The following CCDC85A variants were observed in gnomAD, a reference collection of about 807,000 sequenced individuals.
The protein encoded by CCDC85A is coiled-coil domain-containing protein 85A.
Under a neutral mutation model 50.2 loss-of-function variants are expected in CCDC85A, and 38 were observed. The observed-to-expected ratio is 0.76, with a 90% CI of 0.58 to 0.99. CCDC85A has a LOEUF of 0.99. Among genes scored for constraint, CCDC85A ranks in the 50% least tolerant of loss-of-function variants. The probability of loss-of-function intolerance (pLI) is 0.00; values close to 1 mark genes in which losing one functional copy is unlikely to be tolerated. For synonymous variants in CCDC85A, 366 were observed against 301.4 expected (o/e 1.21, Z -2.22); for missense variants, 820 against 742.0 (o/e 1.11, Z -1.22).
At chr2:56,279,375 C>G (rs182775430) in intron 2 of CCDC85A, among the ~76,000 whole-genome samples, 33 of 151,720 alleles carry the variant, frequency 2.2e-4, no homozygotes, top group Non-Finnish European at 4.1e-4. Context: ...ATATTCATAA[C>G]CCCCCAAAGA....
At chr2:56,257,183 C>T (rs1009786581) in intron 2 of CCDC85A, among the ~76,000 whole-genome samples, 19 of 152,226 alleles carry the variant, frequency 1.2e-4, no homozygotes, top group Non-Finnish European at 1.5e-4. Context: ...AACTTAAGTA[C>T]GTTTCAGTCC....
intron 2 of CCDC85A, among the ~76,000 whole-genome samples, chr2:56,315,366 A>T (rs1169319205): frequency 1.3e-5 from 2 of 152,206 alleles, no homozygotes; most frequent in African/African-American, 4.8e-5. Flanking sequence ...ATTTTATAAA[A>T]TAAACTTGGT....
Position 56,275,127 on chromosome 2 carries a change from G to T in CCDC85A, c.1241-67752G>T, listed in dbSNP as rs533329894. Among the ~76,000 whole-genome samples, 3 of 151,984 alleles carry T rather than the reference G, an allele frequency of 2.0e-5. 1 individual carries two copies. In the East Asian group the frequency reaches 5.8e-4, roughly 29 times the overall value. On this transcript the variant is annotated intron_variant, in intron 2 of 5. Transcript: ENST00000407595. ...ATGACTTTTTGTTGTTGTTAGTGGGGGTCGGGGGGGAATTATTCAGTTCAC... is the reference window on the plus strand; with the variant it reads ...ATGACTTTTTGTTGTTGTTAGTGGGTGTCGGGGGGGAATTATTCAGTTCAC...
intron 2 of CCDC85A, among the ~76,000 whole-genome samples, chr2:56,237,029 A>C (rs1669050123): frequency 6.6e-6 from 1 of 152,052 alleles, no homozygotes; most frequent in Non-Finnish European, 1.5e-5. Flanking sequence ...TCAGTTGGTT[A>C]ACTAATCTGT....
intron 2 of CCDC85A, among the ~76,000 whole-genome samples, chr2:56,244,358 G>A (rs35624466): frequency 0.19 from 29,508 of 151,938 alleles, 3,019 homozygotes; most frequent in East Asian, 0.28. Context: ...CTGCAGGCCC[G>A]TGGGAAGTAC....
intron 2 of CCDC85A, among the ~76,000 whole-genome samples, chr2:56,292,863 T>C (rs1671780178): frequency 6.6e-6 from 1 of 152,160 alleles, no homozygotes; most frequent in Admixed American, 6.5e-5. Context: ...GAACATGAGA[T>C]AGTGTGCAAA....
chr2:56,384,208 C>T, intron 5 of CCDC85A, 58 bp from the exon 6 acceptor site: 3 of 1,487,480 alleles, frequency 2.0e-6, no homozygotes, highest in Non-Finnish European at 2.8e-6. Context: ...TTAAGAAATG[C>T]AAATCTCCTT....
At chr2:56,371,921 A>G (rs1356473360) in intron 3 of CCDC85A, among the ~76,000 whole-genome samples, 1 of 152,182 alleles carries the variant, frequency 6.6e-6, no homozygotes, top group East Asian at 1.9e-4. Context: ...ACTTCTTAAC[A>G]AAAGGGCATA....
chr2:56,365,735 C>T (rs185321944), intron 3 of CCDC85A, among the ~76,000 whole-genome samples: 7 of 152,288 alleles, frequency 4.6e-5, no homozygotes, highest in Non-Finnish European at 8.8e-5. Context: ...TTAACATATA[C>T]ATCAGTTCGC....
At chr2:56,200,888 A>T (rs1167335024) in intron 2 of CCDC85A, among the ~76,000 whole-genome samples, 1 of 152,120 alleles carries the variant, frequency 6.6e-6, no homozygotes, top group Non-Finnish European at 1.5e-5. Context: ...AATTAGGCAC[A>T]TATTCAATTA....
chr2:56,219,275 C>A (rs1015048919), intron 2 of CCDC85A, among the ~76,000 whole-genome samples: 3 of 148,664 alleles, frequency 2.0e-5, no homozygotes, highest in African/African-American at 7.4e-5. Flanking sequence ...CCTTCAGGAA[C>A]CCCTGCAGTA....
intron 2 of CCDC85A, among the ~76,000 whole-genome samples, chr2:56,304,088 C>G (rs1672324514): frequency 6.6e-6 from 1 of 152,176 alleles, no homozygotes; most frequent in Admixed American, 6.6e-5. Flanking sequence ...TAGGTGGCAA[C>G]TGTGATTGTT....
chr2:56,382,832 G>T (rs6736677), intron 5 of CCDC85A, among the ~76,000 whole-genome samples: 6 of 151,912 alleles, frequency 3.9e-5, no homozygotes, highest in African/African-American at 1.4e-4. Context: ...ATCCGTGTAA[G>T]GTCCTTAAGT....
intron 2 of CCDC85A, among the ~76,000 whole-genome samples, chr2:56,258,166 C>T (rs1297844701): frequency 3.3e-5 from 5 of 151,852 alleles, no homozygotes; most frequent in Non-Finnish European, 7.4e-5. Context: ...AGCAAACCTG[C>T]AGGTAAGAGG....
chr2:56,313,156 T>G (rs1225529735), intron 2 of CCDC85A, among the ~76,000 whole-genome samples: 3 of 152,182 alleles, frequency 2.0e-5, no homozygotes, highest in African/African-American at 7.2e-5. Context: ...TTACTCTTTG[T>G]ACAATCCAGT....
At chr2:56,247,446 T>A (rs768710007) in intron 2 of CCDC85A, among the ~76,000 whole-genome samples, 31 of 152,326 alleles carry the variant, frequency 2.0e-4, no homozygotes, top group Non-Finnish European at 8.8e-5. Flanking sequence ...ACTGGCACTT[T>A]TCATAGGAGG....
chr2:56,292,986 T>C (rs1296765136), intron 2 of CCDC85A, among the ~76,000 whole-genome samples: 1 of 152,194 alleles, frequency 6.6e-6, no homozygotes, highest in African/African-American at 2.4e-5. Context: ...ATTCCAGCTT[T>C]TCCATGTCAT....
intron 3 of CCDC85A, among the ~76,000 whole-genome samples, chr2:56,355,799 A>T (rs1441255252): frequency 2.0e-5 from 3 of 152,188 alleles, no homozygotes; most frequent in Non-Finnish European, 4.4e-5. Context: ...CAAGTAAAGG[A>T]ATTGGGTATT....
At chr2:56,344,613 C>T (rs1234570901) in intron 3 of CCDC85A, among the ~76,000 whole-genome samples, 2 of 152,126 alleles carry the variant, frequency 1.3e-5, no homozygotes, top group East Asian at 1.9e-4. Flanking sequence ...TAAAATACTA[C>T]TGGTGGGTTT....
Sources: allele counts gnomAD v4.1 joint callset (sites outside exome capture counted in the v4.1 genomes callset), GRCh38; gene constraint gnomAD v4.1.1; transcripts MANE v1.5; gene names NCBI Gene and HGNC (gene_info 2026-07-23, HGNC 2026-07-21).